CSMD3: variants seen among roughly 807,000 people sequenced by gnomAD.
CSMD3 encodes the protein CUB and Sushi multiple domains 3.
A neutral mutation model predicts 435.2 loss-of-function variants in CSMD3; 177 were observed. The observed-to-expected ratio is 0.41, with a 90% CI of 0.36 to 0.46. The LOEUF (loss-of-function observed/expected upper bound fraction) is 0.46. Ranked by LOEUF, CSMD3 falls within the 20% of genes least tolerant of loss-of-function variation. CSMD3 has a pLI of 0.34. For missense variants in CSMD3, 4,265 were observed against 4,504.6 expected (o/e 0.95, Z 1.52); for synonymous variants, 1,656 against 1,520.5 (o/e 1.09, Z -2.07).
intron 53 of CSMD3, among the ~76,000 whole-genome samples, chr8:112,301,259 T>C (rs2130752349): frequency 6.6e-6 from 1 of 152,194 alleles, no homozygotes; most frequent in South Asian, 2.1e-4. Flanking sequence ...AACTGAAGAT[T>C]TTTTATAATA....
In CSMD3 at chr8:113,203,307, A is replaced by G. The variant is rs2092733690; in HGVS notation, c.515-29391T>C. On this transcript the variant is annotated intron_variant, in intron 3 of 70. Transcript: ENST00000297405. The stretch of plus-strand genomic sequence containing the variant: ...TTATAATTATCTATTTTATTTATTT[A>G]CTTATTTCCTGAGACAGAGTCTCTG... Among the ~76,000 whole-genome samples, 4 of 152,110 alleles carry G rather than the reference A, an allele frequency of 2.6e-5. No homozygotes were observed. The South Asian group carries it at 8.3e-4, about 31-fold the overall frequency.
chr8:112,297,190 G>GA (rs1268961389), intron 53 of CSMD3, among the ~76,000 whole-genome samples: 8 of 93,450 alleles, frequency 8.6e-5, no homozygotes, highest in East Asian at 2.9e-4. Flanking sequence ...AAATAGAAAA[G>GA]AAAAAATCAC....
intron 5 of CSMD3, among the ~76,000 whole-genome samples, chr8:113,065,922 TAC>T (rs1287812691): frequency 2.0e-5 from 3 of 151,938 alleles, no homozygotes; most frequent in Non-Finnish European, 4.4e-5. Context: ...ACAAATACAT[TAC>T]AGTTATATTT....
At chr8:112,424,981 C>T (rs1001333339) in intron 32 of CSMD3, among the ~76,000 whole-genome samples, 41 of 152,142 alleles carry the variant, frequency 2.7e-4, no homozygotes, top group South Asian at 4.1e-4. Context: ...TGAGCCACCG[C>T]GCTTGACCTA....
intron 8 of CSMD3, 119 bp from the exon 9 acceptor site, chr8:112,947,996 C>A: frequency 1.7e-6 from 1 of 582,532 alleles, no homozygotes; most frequent in Non-Finnish European, 3.1e-6. Flanking sequence ...TAATCACTGT[C>A]ATTTAAGCAT....
chr8:112,497,918 T>C (rs1433851257), intron 30 of CSMD3, among the ~76,000 whole-genome samples: 2 of 151,958 alleles, frequency 1.3e-5, no homozygotes, highest in African/African-American at 2.4e-5. Flanking sequence ...ATTAATGAGA[T>C]TGGATCTCGA....
In CSMD3 at chr8:112,224,767, C is replaced by T. The variant is rs1563653388; in HGVS notation, c.*4G>A. The T allele has an allele frequency of 1.2e-6, 2 of 1,613,960 alleles. No individual in the cohort carries two copies. The highest frequency in any genetic ancestry group is 1.7e-6 in the Non-Finnish European group (2 of 1,179,898). ...AGCTTCTGAAGAAGGCAAAGGTTGCCTCGTTATACCATTGTGCAAACCGTG... is the reference window on the plus strand; with the variant it reads ...AGCTTCTGAAGAAGGCAAAGGTTGCTTCGTTATACCATTGTGCAAACCGTG... On this transcript the variant is annotated 3_prime_UTR_variant, in exon 71 of 71. Coordinates refer to ENST00000297405, the MANE Select transcript of CSMD3 (RefSeq NM_198123.2).
intron 45 of CSMD3, among the ~76,000 whole-genome samples, chr8:112,330,349 A>G (rs1275589175): frequency 6.6e-6 from 1 of 152,114 alleles, no homozygotes; most frequent in Non-Finnish European, 1.5e-5. Context: ...ATAATAACAT[A>G]ATTATTAAAT....
chr8:113,415,550 T>G (rs1425015505), intron 1 of CSMD3, among the ~76,000 whole-genome samples: 2 of 152,146 alleles, frequency 1.3e-5, no homozygotes, highest in African/African-American at 4.8e-5. Context: ...GCTGTAAAAA[T>G]AAATGACAGA....
At chr8:112,564,527 CAA>C (rs1207768089) in intron 24 of CSMD3, among the ~76,000 whole-genome samples, 1 of 151,946 alleles carries the variant, frequency 6.6e-6, no homozygotes, top group African/African-American at 2.4e-5. Context: ...TTTGGAAATG[CAA>C]AGTGTGTGAA....
intron 28 of CSMD3, among the ~76,000 whole-genome samples, chr8:112,516,577 A>G (rs1823694316): frequency 1.3e-5 from 2 of 152,142 alleles, no homozygotes; most frequent in African/African-American, 4.8e-5. Context: ...CCAAATAAAA[A>G]CCAATATTCC....
rs2093590211 is a variant in CSMD3, at chr8:113,278,690, T to C, written c.416A>G (p.His139Arg). 1.9e-6 allele frequency: 3 copies of C among 1,551,588 alleles called. No homozygotes were observed. Among genetic ancestry groups the C allele is most frequent in the Non-Finnish European group, 2.7e-6 (3 of 1,123,598 alleles). ...GGTACTTGTCACTGGAGGTGGCAGA[T>C]GGAATCCTGTTAACCTAAAACAAAA... ...TNFRTRLTGF[H>R]LPPPVTSTKS... The change falls in exon 3 of 71, where the codon CAT (histidine) becomes CGT (arginine). Residue 139 changes from histidine (H) to arginine (R), a missense_variant. Coordinates refer to ENST00000297405, the MANE Select transcript of CSMD3 (RefSeq NM_198123.2).
intron 65 of CSMD3, among the ~76,000 whole-genome samples, chr8:112,243,638 T>G (rs1324902623): frequency 1.3e-5 from 2 of 152,124 alleles, no homozygotes; most frequent in Non-Finnish European, 2.9e-5. Flanking sequence ...GGAAGGACTC[T>G]TTCTACTAGG....
chr8:113,266,558 G>A (rs2093473252), intron 3 of CSMD3, among the ~76,000 whole-genome samples: 1 of 151,324 alleles, frequency 6.6e-6, no homozygotes, highest in African/African-American at 2.4e-5. Context: ...TTAAATTATT[G>A]GTCTTTACTA....
chr8:112,306,373 C>G (rs1258832519), intron 50 of CSMD3, among the ~76,000 whole-genome samples, 181 bp from the exon 51 acceptor site: 1 of 151,998 alleles, frequency 6.6e-6, no homozygotes, highest in Non-Finnish European at 1.5e-5. Context: ...TATTCCAAAC[C>G]CTTATTTAGC....
intron 9 of CSMD3, among the ~76,000 whole-genome samples, chr8:112,930,903 A>G (rs1346813190): frequency 1.3e-5 from 2 of 152,142 alleles, no homozygotes; most frequent in Admixed American, 1.3e-4. Context: ...AGGTGCTGAC[A>G]AGGAATAATA....
intron 4 of CSMD3, among the ~76,000 whole-genome samples, chr8:113,153,076 A>AAAAGAAAG (rs757748243): frequency 0.084 from 7,486 of 89,086 alleles, 361 homozygotes; most frequent in Non-Finnish European, 0.1. Context: ...AAAAGAAAGA[A>AAAAGAAAG]AAAGAAAGAA....
At chr8:112,901,468 T>C (rs2082107457) in intron 10 of CSMD3, among the ~76,000 whole-genome samples, 1 of 151,332 alleles carries the variant, frequency 6.6e-6, no homozygotes, top group Admixed American at 6.6e-5. Context: ...CTGACAAAGT[T>C]GACCTACTAC....
At chr8:112,677,306 A>G (rs2075789862) in intron 16 of CSMD3, among the ~76,000 whole-genome samples, 2 of 151,618 alleles carry the variant, frequency 1.3e-5, no homozygotes, top group Non-Finnish European at 2.9e-5. Flanking sequence ...GATGGTGGTG[A>G]TGATTTTTAC....
Sources: gnomAD v4.1 joint callset for allele counts (sites outside exome capture counted in the v4.1 genomes callset) on GRCh38, gnomAD v4.1.1 for gene constraint, MANE v1.5 for transcripts, NCBI Gene and HGNC (gene_info 2026-07-23, HGNC 2026-07-21) for gene names.